IFT81: variants seen among roughly 807,000 people sequenced by gnomAD.
IFT81 encodes the protein intraflagellar transport protein 81 homolog.
IFT81 carries 72 observed loss-of-function variants against 102.6 expected under a neutral mutation model. That is an observed-to-expected ratio of 0.70 (90% CI 0.58 to 0.85). The LOEUF (loss-of-function observed/expected upper bound fraction) is 0.85. IFT81 is among the 40% of genes least tolerant of loss of function. The pLI, the probability that IFT81 is intolerant of heterozygous loss-of-function variation, is 0.00. For synonymous variants in IFT81, 237 were observed against 242.7 expected (o/e 0.98, Z 0.22); for missense variants, 723 against 787.3 (o/e 0.92, Z 0.98).
chr12:110,179,458 A>T (rs920107032), intron 11 of IFT81, among the ~76,000 whole-genome samples: 17 of 151,900 alleles, frequency 1.1e-4, no homozygotes, highest in African/African-American at 3.6e-4. Flanking sequence ...ACGGTGACTC[A>T]TGCCTGTAAT....
rs563299770 is a variant in IFT81 at position 110,203,696 on chromosome 12, C to A, written c.1558-168C>A. 4.9e-4 allele frequency: 310 copies of A among 636,210 alleles called. 1 individual carries two copies. The highest frequency in any genetic ancestry group is 8.1e-4 in the Non-Finnish European group (284 of 351,422). The allele number at this position is 636,210 out of a possible 1,614,324, so 39.4% of individuals were successfully genotyped here. Reference sequence around the variant, plus strand: ...TGGTAGCTATTATTATTATCAGCACCTTCATCTATCATAATTCTCAAATGT... The same window carrying A: ...TGGTAGCTATTATTATTATCAGCACATTCATCTATCATAATTCTCAAATGT... On this transcript the variant is annotated intron_variant, in intron 14 of 18. Coordinates refer to ENST00000242591, the MANE Select transcript of IFT81 (RefSeq NM_014055.4).
intron 11 of IFT81, among the ~76,000 whole-genome samples, chr12:110,164,809 A>C (rs892922505): frequency 6.6e-6 from 1 of 152,210 alleles, no homozygotes; most frequent in Non-Finnish European, 1.5e-5. Flanking sequence ...GCTTCATGAC[A>C]TCTTTGCTGT....
chr12:110,160,282 A>C (rs1896068159), intron 10 of IFT81, among the ~76,000 whole-genome samples: 1 of 152,230 alleles, frequency 6.6e-6, no homozygotes, highest in African/African-American at 2.4e-5. Flanking sequence ...GAGAAAATCC[A>C]ATAGCGGCTC....
intron 11 of IFT81, among the ~76,000 whole-genome samples, chr12:110,173,332 A>T (rs1191615587): frequency 2.0e-4 from 25 of 122,320 alleles, no homozygotes; most frequent in Admixed American, 8.6e-4. Context: ...CCCGTCCGGG[A>T]GGGAGGTGGG....
At position 110,216,683 on chromosome 12, in the gene IFT81, G is replaced by A. The variant is rs1326077964; in HGVS notation, c.1849-1361G>A. ...ATGCCACCATGTCCGGCTAATTTTT[G>A]TATTTCATATTTTTGTATTTTTAGT... On this transcript the variant is annotated intron_variant, in intron 18 of 18. Transcript: ENST00000242591. 7.0e-6 allele frequency: 3 copies of A among 431,122 alleles called. 1 individual carries two copies. The highest frequency in any genetic ancestry group is 1.4e-4 in the East Asian group (2 of 14,176). The allele number at this position is 431,122 out of a possible 1,614,324, so 26.7% of individuals were successfully genotyped here. A position where few individuals can be genotyped will look rare whatever the true frequency, so the allele number is the denominator to read the frequency against.
chr12:110,209,798 G>A (rs1451646405), intron 18 of IFT81, among the ~76,000 whole-genome samples: 1 of 150,738 alleles, frequency 6.6e-6, no homozygotes, highest in Non-Finnish European at 1.5e-5. Context: ...ATTATTCTCA[G>A]ATATCTCTTT....
intron 12 of IFT81, among the ~76,000 whole-genome samples, chr12:110,187,096 C>G (rs1359885743): frequency 1.3e-5 from 2 of 151,532 alleles, no homozygotes; most frequent in East Asian, 3.9e-4. Flanking sequence ...TTCTTAATAT[C>G]AGTTATTGTA....
At chr12:110,183,894 T>C (rs576630085) in intron 12 of IFT81, among the ~76,000 whole-genome samples, 6 of 152,284 alleles carry the variant, frequency 3.9e-5, no homozygotes, top group South Asian at 2.1e-4. Context: ...GACTTTGGCA[T>C]AGAATATTTG....
chr12:110,132,954 C>T (rs1000113776), intron 5 of IFT81, among the ~76,000 whole-genome samples: 2 of 148,492 alleles, frequency 1.3e-5, no homozygotes, highest in African/African-American at 5.0e-5. Context: ...TTCATTATTA[C>T]TAAAGCTTTC....
intron 11 of IFT81, among the ~76,000 whole-genome samples, chr12:110,169,645 C>T (rs997141489): frequency 6.6e-6 from 1 of 152,192 alleles, no homozygotes; most frequent in Admixed American, 6.5e-5. Flanking sequence ...CCACTGCAAC[C>T]TCCGCCTCCC....
chr12:110,162,121 A>G (rs1896166426), intron 10 of IFT81, among the ~76,000 whole-genome samples: 2 of 152,136 alleles, frequency 1.3e-5, no homozygotes, highest in South Asian at 4.1e-4. Flanking sequence ...AATATGATAG[A>G]TGTTTTAACA....
intron 12 of IFT81, among the ~76,000 whole-genome samples, chr12:110,184,153 A>G (rs376840401): frequency 1.0e-3 from 156 of 152,274 alleles, no homozygotes; most frequent in African/African-American, 3.5e-3. Flanking sequence ...GATCGAGACC[A>G]TCTTGGCTAA....
At chr12:110,195,780 A>C (rs191264683) in intron 14 of IFT81, among the ~76,000 whole-genome samples, 16 of 152,326 alleles carry the variant, frequency 1.1e-4, no homozygotes, top group Non-Finnish European at 2.1e-4. Context: ...TCATAAGAAC[A>C]ATATTCCCTG....
intron 17 of IFT81, among the ~76,000 whole-genome samples, chr12:110,205,978 C>T (rs1868568954): frequency 6.6e-6 from 1 of 152,126 alleles, no homozygotes; most frequent in South Asian, 2.1e-4. Context: ...ATTGTACAGC[C>T]ATCACCACTG....
At chr12:110,142,968 T>G (rs1249732199) in intron 8 of IFT81, among the ~76,000 whole-genome samples, 1 of 152,114 alleles carries the variant, frequency 6.6e-6, no homozygotes, top group African/African-American at 2.4e-5. Flanking sequence ...AAAAAATACA[T>G]GATCATCTGT....
chr12:110,176,382 C>A (rs569775873), intron 11 of IFT81, among the ~76,000 whole-genome samples: 230 of 152,256 alleles, frequency 1.5e-3, no homozygotes, highest in Non-Finnish European at 2.8e-3. Flanking sequence ...CCCCTGTAAA[C>A]CAGGAATGGA....
At chr12:110,183,382 C>A (rs1456289419) in intron 12 of IFT81, among the ~76,000 whole-genome samples, 1 of 152,178 alleles carries the variant, frequency 6.6e-6, no homozygotes, top group Non-Finnish European at 1.5e-5. Context: ...TGATTCCTTA[C>A]CCAGAGCTCA....
chr12:110,174,676 C>A (rs867723764), intron 11 of IFT81, among the ~76,000 whole-genome samples: 1 of 151,850 alleles, frequency 6.6e-6, no homozygotes, highest in Non-Finnish European at 1.5e-5. Context: ...TCCTGATAAG[C>A]GAAAAGCATT....
At chr12:110,173,543 A>G (rs1896888423) in intron 11 of IFT81, among the ~76,000 whole-genome samples, 1 of 152,244 alleles carries the variant, frequency 6.6e-6, no homozygotes, top group Non-Finnish European at 1.5e-5. Flanking sequence ...TGGGGAAAAG[A>G]TTGAGAAATA....
Sources: allele counts gnomAD v4.1 joint callset (sites outside exome capture counted in the v4.1 genomes callset), GRCh38; gene constraint gnomAD v4.1.1; transcripts MANE v1.5; gene names NCBI Gene and HGNC (gene_info 2026-07-23, HGNC 2026-07-21).